Variants in PRSS23 observed in about 807,000 individuals in gnomAD.
PRSS23 encodes protease, serine 23.
In PRSS23, 25 loss-of-function variants were observed where a neutral mutation model predicts 34.7. That is an observed-to-expected ratio of 0.72 (90% CI 0.53 to 1.01). The LOEUF (loss-of-function observed/expected upper bound fraction) is 1.01, where lower values mean the gene tolerates loss of function less well. Among genes scored for constraint, PRSS23 ranks in the 50% least tolerant of loss-of-function variants. The pLI is 0.00. For synonymous variants in PRSS23, 176 were observed against 186.6 expected (o/e 0.94, Z 0.46); for missense variants, 445 against 475.6 (o/e 0.94, Z 0.60).
intron 2 of PRSS23, among the ~76,000 whole-genome samples, chr11:86,918,167 AC>A (rs1331745418): frequency 6.6e-6 from 1 of 152,044 alleles, no homozygotes; most frequent in Non-Finnish European, 1.5e-5. Flanking sequence ...GAGCTCATTT[AC>A]GTAGGAAATA....
At chr11:86,820,597 G>A (rs535982860) in intron 1 of PRSS23, among the ~76,000 whole-genome samples, 115 of 152,076 alleles carry the variant, frequency 7.6e-4, no homozygotes, top group Admixed American at 2.2e-3. Context: ...CTTTATTTGC[G>A]TTTGTATTTA....
At chr11:86,855,254 A>C (rs1437680987) in intron 2 of PRSS23, among the ~76,000 whole-genome samples, 1 of 152,132 alleles carries the variant, frequency 6.6e-6, no homozygotes, top group African/African-American at 2.4e-5. Context: ...TGGAGCGGAA[A>C]GGTAATAGCT....
intron 2 of PRSS23, among the ~76,000 whole-genome samples, chr11:86,866,260 A>G (rs1948648625): frequency 6.6e-6 from 1 of 152,134 alleles, no homozygotes; most frequent in East Asian, 1.9e-4. Flanking sequence ...TACGACCACC[A>G]CCCTTCATCC....
intron 2 of PRSS23, among the ~76,000 whole-genome samples, chr11:86,893,999 C>T (rs1419033271): frequency 2.0e-5 from 3 of 151,958 alleles, no homozygotes; most frequent in Non-Finnish European, 2.9e-5. Flanking sequence ...ATTTGTCTTC[C>T]GTTTTTGTTT....
chr11:86,835,393 C>T (rs1021759759), intron 2 of PRSS23, among the ~76,000 whole-genome samples: 4 of 152,220 alleles, frequency 2.6e-5, no homozygotes, highest in Admixed American at 2.6e-4. Context: ...TGTAAGGACT[C>T]CTAGAGCTAT....
At chr11:86,895,576 C>T (rs534994256) in intron 2 of PRSS23, among the ~76,000 whole-genome samples, 63 of 138,112 alleles carry the variant, frequency 4.6e-4, no homozygotes, top group Non-Finnish European at 8.4e-4. Flanking sequence ...ACCTCTTGGG[C>T]TCAAGTGATC....
At chr11:86,927,750 G>C (rs1414402705) in intron 2 of PRSS23, among the ~76,000 whole-genome samples, 1 of 152,100 alleles carries the variant, frequency 6.6e-6, no homozygotes, top group Non-Finnish European at 1.5e-5. Context: ...GGCCGGGCGT[G>C]GTGGCTCACG....
intron 2 of PRSS23, among the ~76,000 whole-genome samples, chr11:86,927,132 T>C (rs1346130280): frequency 6.6e-6 from 1 of 152,098 alleles, no homozygotes; most frequent in East Asian, 1.9e-4. Flanking sequence ...CCACCATGGG[T>C]CCAATCAGCT....
intron 2 of PRSS23, among the ~76,000 whole-genome samples, chr11:86,831,192 C>G (rs979786560): frequency 6.6e-6 from 1 of 152,040 alleles, no homozygotes; most frequent in Admixed American, 6.5e-5. Context: ...TGCTTGTACA[C>G]CCTGCGATAT....
At chr11:86,846,248 A>G (rs1427314091) in intron 2 of PRSS23, among the ~76,000 whole-genome samples, 2 of 152,144 alleles carry the variant, frequency 1.3e-5, no homozygotes, top group African/African-American at 4.8e-5. Context: ...TTGGTGAGCC[A>G]GGCAGGATAC....
chr11:86,877,490 T>C (rs994203894), intron 2 of PRSS23, among the ~76,000 whole-genome samples: 3 of 152,220 alleles, frequency 2.0e-5, no homozygotes, highest in Admixed American at 6.5e-5. Context: ...GCTTTTTCTA[T>C]TTTGAATTAT....
chr11:86,870,092 C>G (rs1459301601), intron 2 of PRSS23, among the ~76,000 whole-genome samples: 2 of 152,156 alleles, frequency 1.3e-5, no homozygotes, highest in Admixed American at 1.3e-4. Context: ...AGAAAAGATT[C>G]AAATGATCTT....
At chr11:86,854,856 C>T (rs1409858733) in intron 2 of PRSS23, among the ~76,000 whole-genome samples, 1 of 152,086 alleles carries the variant, frequency 6.6e-6, no homozygotes, top group Non-Finnish European at 1.5e-5. Flanking sequence ...CAAAAACAAA[C>T]AAACAACAAC....
chr11:86,880,055 G>A (rs1393802468), intron 2 of PRSS23, among the ~76,000 whole-genome samples: 3 of 151,968 alleles, frequency 2.0e-5, no homozygotes, highest in South Asian at 2.1e-4. Flanking sequence ...CCGTGTCTGT[G>A]TAGAAAGAGG....
intron 2 of PRSS23, among the ~76,000 whole-genome samples, chr11:86,924,010 A>G (rs1315679279): frequency 2.0e-5 from 3 of 152,306 alleles, no homozygotes; most frequent in South Asian, 2.1e-4. Context: ...TAAAGAATGG[A>G]GAGGAAGCCC....
intron 2 of PRSS23, among the ~76,000 whole-genome samples, chr11:86,858,960 G>T (rs7107899): frequency 9.6e-4 from 145 of 151,272 alleles, no homozygotes; most frequent in Non-Finnish European, 1.4e-3. Flanking sequence ...CACCTCACCT[G>T]TGATATTGTT....
upstream of PRSS23, among the ~76,000 whole-genome samples, chr11:86,795,557 G>A (rs761159941): frequency 2.3e-4 from 35 of 152,348 alleles, 1 homozygote; most frequent in Non-Finnish European, 3.8e-4. Context: ...GGATTACTAT[G>A]TCATAAGCTC....
chr11:86,843,358 T>C (rs756824537), intron 2 of PRSS23, among the ~76,000 whole-genome samples: 8 of 152,174 alleles, frequency 5.3e-5, no homozygotes, highest in Non-Finnish European at 1.0e-4. Flanking sequence ...GACATAGGCG[T>C]GGGCAAAGAC....
At chr11:86,927,506 A>T (rs1161056502) in intron 2 of PRSS23, among the ~76,000 whole-genome samples, 2 of 152,112 alleles carry the variant, frequency 1.3e-5, no homozygotes, top group Admixed American at 6.6e-5. Flanking sequence ...CTCATTTTTT[A>T]AATTTTTTTT....
Sources: gnomAD v4.1 joint callset for allele counts (sites outside exome capture counted in the v4.1 genomes callset) on GRCh38, gnomAD v4.1.1 for gene constraint, MANE v1.5 for transcripts, NCBI Gene and HGNC (gene_info 2026-07-23, HGNC 2026-07-21) for gene names.